RNF217: variants seen among roughly 807,000 people sequenced by gnomAD.
RNF217 encodes the protein E3 ubiquitin-protein ligase RNF217.
In RNF217, 31 loss-of-function variants were observed where a neutral mutation model predicts 57.8. That is an observed-to-expected ratio of 0.54 (90% CI 0.40 to 0.72). The LOEUF is 0.72. Ranked by LOEUF, RNF217 falls within the 30% of genes least tolerant of loss-of-function variation. The probability of loss-of-function intolerance (pLI) is 0.00; values close to 1 mark genes in which losing one functional copy is unlikely to be tolerated. For missense variants in RNF217, 696 were observed against 708.3 expected, an observed-to-expected ratio of 0.98 and a Z score of 0.20; for synonymous variants, 313 against 294.0, an observed-to-expected ratio of 1.06 and a Z score of -0.66.
chr6:125,044,476 T>C (rs1242786957), intron 1 of RNF217, among the ~76,000 whole-genome samples: 1 of 152,090 alleles, frequency 6.6e-6, no homozygotes, highest in East Asian at 1.9e-4. Context: ...AAATGTTGCG[T>C]TTTGATGTAT....
At position 124,962,748 on chromosome 6, in the gene RNF217, G is replaced by T. The variant is rs750273232; in HGVS notation, c.204G>T (p.Glu68Asp). 2 of 1,586,156 alleles carry T rather than the reference G, an allele frequency of 1.3e-6. No individual in the cohort carries two copies. Among genetic ancestry groups the T allele is most frequent in the Admixed American group, 3.4e-5 (2 of 58,304 alleles). Residue 68 changes from glutamate to aspartate, a missense_variant, in exon 1 of 6, where the codon GAG becomes GAT. Coordinates refer to ENST00000521654, the MANE Select transcript of RNF217 (RefSeq NM_001286398.3). This position sits in a 1 kb window ranked among gnomAD's most constrained non-coding sequence, Gnocchi z 4.6. Reference protein sequence around the residue: ...DWGCADTSAPEPARSLGPPGW... With the variant: ...DWGCADTSAPDPARSLGPPGW... ...GCTGCGCGGACACCAGCGCCCCAGAGCCCGCGAGGAGCCTGGGGCCCCCGG... is the reference window on the plus strand; with the variant it reads ...GCTGCGCGGACACCAGCGCCCCAGATCCCGCGAGGAGCCTGGGGCCCCCGG...
At chr6:125,024,640 A>G (rs1003885910) in intron 1 of RNF217, among the ~76,000 whole-genome samples, 5 of 150,126 alleles carry the variant, frequency 3.3e-5, no homozygotes, top group Non-Finnish European at 7.4e-5. Context: ...GAATCTCTTG[A>G]GCCCGGGAGG....
At chr6:125,015,376 C>T (rs561656513) in intron 1 of RNF217, among the ~76,000 whole-genome samples, 9 of 151,992 alleles carry the variant, frequency 5.9e-5, no homozygotes, top group South Asian at 4.2e-4. Context: ...AGTTTTTCTA[C>T]GAAAATAATC....
At position 125,051,247 on chromosome 6, in the gene RNF217, G is replaced by T. The variant is rs1289835519; in HGVS notation, c.1116+5803G>T. ...TCTTGCAGCTAGGATAAATTGACCT[G>T]CACTGGTACTAAGAACTGTTTTCCC... On this transcript the variant is annotated intron_variant, in intron 2 of 5. Coordinates refer to ENST00000521654, the MANE Select transcript of RNF217 (RefSeq NM_001286398.3). Among the ~76,000 whole-genome samples the T allele has an allele frequency of 7.2e-5, 11 of 151,760 alleles. No individual in the cohort carries two copies. In the South Asian group the frequency reaches 2.3e-3, roughly 32 times the overall value.
At chr6:125,065,929 C>T (rs185854089) in intron 3 of RNF217, among the ~76,000 whole-genome samples, 3 of 152,288 alleles carry the variant, frequency 2.0e-5, no homozygotes, top group Non-Finnish European at 4.4e-5. Flanking sequence ...TTCTCCAACG[C>T]AGTATGTTCT....
At chr6:125,001,935 A>T (rs1018257665) in intron 1 of RNF217, among the ~76,000 whole-genome samples, 5 of 152,210 alleles carry the variant, frequency 3.3e-5, no homozygotes, top group African/African-American at 1.2e-4. Context: ...AGACCTCTAG[A>T]ATCACTGTTT....
chr6:125,003,874 G>T (rs1785074168), intron 1 of RNF217, among the ~76,000 whole-genome samples: 1 of 152,076 alleles, frequency 6.6e-6, no homozygotes, highest in South Asian at 2.1e-4. Flanking sequence ...ACGTGGTTTT[G>T]AAGGAGAAAT....
intron 3 of RNF217, among the ~76,000 whole-genome samples, chr6:125,065,947 C>T (rs369539314): frequency 3.9e-5 from 6 of 152,234 alleles, no homozygotes; most frequent in African/African-American, 1.4e-4. Context: ...TCTCTTCTCC[C>T]CAAAATGGTT....
At chr6:124,974,718 T>C (rs1433729901) in intron 1 of RNF217, among the ~76,000 whole-genome samples, 1 of 152,244 alleles carries the variant, frequency 6.6e-6, no homozygotes, top group East Asian at 1.9e-4. Context: ...ATATTCTGTA[T>C]AGAAATAGTG....
At position 125,087,962 on chromosome 6, in the gene RNF217, A is replaced by G. The variant is rs555733400; in HGVS notation, c.*5025A>G. On this transcript the variant is annotated 3_prime_UTR_variant, in exon 6 of 6. Coordinates refer to ENST00000521654, the MANE Select transcript of RNF217 (RefSeq NM_001286398.3). ...TTAAGCATATTTTGTATTTAAAGTT[A>G]TAATTTAATTATGATACTGTCCCCC... is the stretch of plus-strand genomic sequence containing the variant. 1.3e-5 allele frequency: 2 copies of G among 151,488 alleles called. No individual in the cohort carries two copies. The highest frequency in any genetic ancestry group is 4.8e-5 in the African/African-American group (2 of 41,326). The allele number at this position is 151,488 out of a possible 1,614,324, so 9.4% of individuals were successfully genotyped here.
intron 1 of RNF217, among the ~76,000 whole-genome samples, chr6:124,967,398 G>C (rs762392472): frequency 1.4e-4 from 21 of 152,112 alleles, no homozygotes; most frequent in Non-Finnish European, 3.1e-4. Flanking sequence ...TTTATGATTT[G>C]GTTTAGACAG....
intron 1 of RNF217, among the ~76,000 whole-genome samples, chr6:125,028,401 A>AT (rs1408336707): frequency 2.0e-5 from 3 of 151,978 alleles, no homozygotes; most frequent in Non-Finnish European, 2.9e-5. Context: ...TCTTTTGCCC[A>AT]TTTTTTATTA....
intron 1 of RNF217, among the ~76,000 whole-genome samples, chr6:125,010,148 G>A (rs1176823462): frequency 2.6e-5 from 4 of 151,916 alleles, no homozygotes; most frequent in African/African-American, 7.3e-5. Flanking sequence ...TGAAATGAAC[G>A]TTTTCTTACA....
At chr6:125,033,076 C>A (rs536776660) in intron 1 of RNF217, among the ~76,000 whole-genome samples, 1 of 152,040 alleles carries the variant, frequency 6.6e-6, no homozygotes, top group Non-Finnish European at 1.5e-5. Context: ...TTGTGAAGTA[C>A]CCATAAAGTC....
Position 125,000,141 on chromosome 6 carries a change from TA to T in RNF217, c.882+36716del, listed in dbSNP as rs895369939. Among the ~76,000 whole-genome samples the T allele has an allele frequency of 2.0e-5, 3 of 152,308 alleles. No homozygotes were observed. In the East Asian group the frequency reaches 5.8e-4, roughly 29 times the overall value. On this transcript the variant is annotated intron_variant, in intron 1 of 5. Coordinates refer to ENST00000521654, the MANE Select transcript of RNF217 (RefSeq NM_001286398.3). The stretch of plus-strand genomic sequence containing the variant: ...TACTTTCTGAATTTACATCTCTGTT[TA>T]TTTTTTTTTAGTGCTTGGCAAATAG...
chr6:124,980,825 C>T (rs952471623), intron 1 of RNF217, among the ~76,000 whole-genome samples: 1 of 152,242 alleles, frequency 6.6e-6, no homozygotes, highest in Middle Eastern at 3.4e-3. Flanking sequence ...CCTCTAATTA[C>T]ACTCTATATT....
intron 3 of RNF217, among the ~76,000 whole-genome samples, chr6:125,059,266 T>A (rs1787638821): frequency 6.6e-6 from 1 of 152,180 alleles, no homozygotes; most frequent in Non-Finnish European, 1.5e-5. Flanking sequence ...AAAGTTTTCT[T>A]TGTTTTCCTT....
intron 2 of RNF217, among the ~76,000 whole-genome samples, chr6:125,054,575 G>C (rs1787452839): frequency 6.6e-6 from 1 of 152,112 alleles, no homozygotes; most frequent in Non-Finnish European, 1.5e-5. Flanking sequence ...ATCTATCTTG[G>C]CTAATTTCCA....
intron 1 of RNF217, among the ~76,000 whole-genome samples, chr6:125,005,844 T>C (rs1175246425): frequency 6.6e-5 from 10 of 152,188 alleles, no homozygotes; most frequent in African/African-American, 2.4e-4. Flanking sequence ...TTAGGAATTA[T>C]GGGAAATTAT....
Sources: allele counts gnomAD v4.1 joint callset (sites outside exome capture counted in the v4.1 genomes callset), GRCh38; gene constraint gnomAD v4.1.1; non-coding constraint Gnocchi (gnomAD v3.1); transcripts MANE v1.5; gene names NCBI Gene and HGNC (gene_info 2026-07-23, HGNC 2026-07-21).